NFIC: variants seen among roughly 807,000 people sequenced by gnomAD.
NFIC encodes the protein nuclear factor I C, also known as nuclear factor 1 C-type.
A neutral mutation model predicts 54.4 loss-of-function variants in NFIC; 12 were observed. That is an observed-to-expected ratio of 0.22 (90% CI 0.14 to 0.36). The LOEUF (loss-of-function observed/expected upper bound fraction) is 0.36. Among genes scored for constraint, NFIC ranks in the 10% least tolerant of loss-of-function variants. NFIC has a pLI of 1.00. For synonymous variants in NFIC, 322 were observed against 319.2 expected, an observed-to-expected ratio of 1.01 and a Z score of -0.09; for missense variants, 575 against 718.2, an observed-to-expected ratio of 0.80 and a Z score of 2.28.
At chr19:3,449,846 G>T (rs1292505801) in intron 7 of NFIC, among the ~76,000 whole-genome samples, 1 of 151,388 alleles carries the variant, frequency 6.6e-6, no homozygotes, top group East Asian at 1.9e-4. Context: ...CACAAGGTCA[G>T]GAGTTCAAGA....
intron 3 of NFIC, among the ~76,000 whole-genome samples, chr19:3,429,465 C>T (rs1346286352): frequency 6.6e-6 from 1 of 152,056 alleles, no homozygotes; most frequent in Non-Finnish European, 1.5e-5. Flanking sequence ...GTGATGCGTG[C>T]CTGTAGTCCC....
intron 2 of NFIC, among the ~76,000 whole-genome samples, chr19:3,421,558 G>A (rs967239613): frequency 2.6e-5 from 4 of 152,252 alleles, no homozygotes; most frequent in African/African-American, 9.6e-5. Flanking sequence ...CCTAGCTGGA[G>A]GAAGGGCTTC....
At chr19:3,367,423 C>T (rs2080913239) in intron 1 of NFIC, among the ~76,000 whole-genome samples, 1 of 151,966 alleles carries the variant, frequency 6.6e-6, no homozygotes, top group African/African-American at 2.4e-5. Flanking sequence ...GGGTCTGGCC[C>T]GGGCACTGCG....
At chr19:3,414,184 C>A (rs568000525) in intron 2 of NFIC, among the ~76,000 whole-genome samples, 1 of 152,222 alleles carries the variant, frequency 6.6e-6, no homozygotes, top group East Asian at 1.9e-4. Flanking sequence ...GCCACACAGC[C>A]GGAAGCCCGC....
rs938026519 is a variant in NFIC, at chr19:3,370,895, T to C, written c.30+4229T>C. Among the ~76,000 whole-genome samples the C allele has an allele frequency of 2.0e-5, 3 of 152,206 alleles. No individual in the cohort carries two copies. Among genetic ancestry groups the C allele is most frequent in the Non-Finnish European group, 4.4e-5 (3 of 68,036 alleles). ...ACCTCACCTGGGTGCCCATCTGCCC[T>C]GAGCACACAGCGTGCGGGCACCCAA... On this transcript the variant is annotated intron_variant, in intron 1 of 10. Transcript: ENST00000443272. The surrounding 1 kb of genome is among the most constrained non-coding windows in gnomAD (Gnocchi z 5.2).
rs1031724477 is a variant in NFIC at position 3,369,194 on chromosome 19, G to C, written c.30+2528G>C. ...TGCCTTCTTTGTGTGTCTGTCCGATGTGTCTCTGTCTGTTTCTCTGTCTCT... is the reference window on the plus strand; with the variant it reads ...TGCCTTCTTTGTGTGTCTGTCCGATCTGTCTCTGTCTGTTTCTCTGTCTCT... On this transcript the variant is annotated intron_variant, in intron 1 of 10. Coordinates refer to ENST00000443272, the MANE Select transcript of NFIC (RefSeq NM_001245002.2). The surrounding 1 kb of genome is among the most constrained non-coding windows in gnomAD (Gnocchi z 4.3). 6.6e-6 allele frequency among the ~76,000 whole-genome samples: 1 copy of C among 151,734 alleles called. No individual in the cohort carries two copies. Among genetic ancestry groups the C allele is most frequent in the East Asian group, 1.9e-4 (1 of 5,158 alleles).
At position 3,463,668 on chromosome 19, in the gene NFIC, G is replaced by A. The variant is rs2082675308; in HGVS notation, c.*899G>A. The A allele has an allele frequency of 4.9e-6, 4 of 816,384 alleles. No individual in the cohort carries two copies. Among genetic ancestry groups the A allele is most frequent in the Non-Finnish European group, 5.4e-6 (4 of 734,998 alleles). The allele number at this position is 816,384 out of a possible 1,614,324, so 50.6% of individuals were successfully genotyped here. ...CATAGGAGGCCCCCCCACCTCGCCCGGCTCACACCCCCAAAGGGAGGGACC... is the reference window on the plus strand; with the variant it reads ...CATAGGAGGCCCCCCCACCTCGCCCAGCTCACACCCCCAAAGGGAGGGACC... On this transcript the variant is annotated 3_prime_UTR_variant, in exon 11 of 11. Coordinates refer to ENST00000443272, the MANE Select transcript of NFIC (RefSeq NM_001245002.2).
intron 1 of NFIC, among the ~76,000 whole-genome samples, chr19:3,361,052 C>T (rs1013523085): frequency 1.3e-5 from 2 of 152,170 alleles, no homozygotes; most frequent in African/African-American, 4.8e-5. Flanking sequence ...TCCACCTTTT[C>T]AAAACTCTGT....
intron 6 of NFIC, among the ~76,000 whole-genome samples, chr19:3,440,352 C>T (rs1040387543): frequency 1.3e-5 from 2 of 152,022 alleles, no homozygotes; most frequent in Non-Finnish European, 2.9e-5. Flanking sequence ...CAGAATCTCC[C>T]CTATAATATA....
At chr19:3,461,539 A>G (rs956017675) in intron 10 of NFIC, among the ~76,000 whole-genome samples, 9 of 151,344 alleles carry the variant, frequency 5.9e-5, no homozygotes, top group Middle Eastern at 3.4e-3. Flanking sequence ...CCCGGCCAAC[A>G]TGGCGAAACC....
intron 6 of NFIC, among the ~76,000 whole-genome samples, chr19:3,437,826 G>A (rs2082229351): frequency 1.3e-5 from 2 of 151,566 alleles, no homozygotes; most frequent in South Asian, 4.2e-4. Flanking sequence ...CTACAGGCGG[G>A]CACCACCACA....
In NFIC at chr19:3,433,605, G is replaced by A. The variant is rs780076020; in HGVS notation, c.709+13G>A. The A allele has an allele frequency of 5.6e-6, 9 of 1,613,016 alleles. No homozygotes were observed. Among genetic ancestry groups the A allele is most frequent in the African/African-American group, 4.0e-5 (3 of 74,876 alleles). ...CAAGTGTCCCGGAGTGAGTGTTCCCGTCAGCCCTGAGCTGGGTCTTGGAGA... is the reference window on the plus strand; with the variant it reads ...CAAGTGTCCCGGAGTGAGTGTTCCCATCAGCCCTGAGCTGGGTCTTGGAGA... On this transcript the variant is annotated intron_variant, in intron 4 of 10. Coordinates refer to ENST00000443272, the MANE Select transcript of NFIC (RefSeq NM_001245002.2).
At position 3,463,884 on chromosome 19, in the gene NFIC, G is replaced by A. The variant is rs546250807; in HGVS notation, c.*1115G>A. 7.3e-5 allele frequency: 68 copies of A among 934,242 alleles called. No individual in the cohort carries two copies. Among genetic ancestry groups the A allele is most frequent in the Middle Eastern group, 1.1e-3 (2 of 1,836 alleles). The allele number at this position is 934,242 out of a possible 1,614,324, so 57.9% of individuals were successfully genotyped here. A position where few individuals can be genotyped will look rare whatever the true frequency, so the allele number is the denominator to read the frequency against. On this transcript the variant is annotated 3_prime_UTR_variant, in exon 11 of 11. Transcript: ENST00000443272. Reference sequence around the variant, plus strand: ...CCCCCCCTTTGTCCAGCTGGGACACGGAATGGCCGCGGGCCTCCTCCCCCT... The same window carrying A: ...CCCCCCCTTTGTCCAGCTGGGACACAGAATGGCCGCGGGCCTCCTCCCCCT...
chr19:3,381,661 C>A, intron 1 of NFIC, 51 bp from the exon 2 acceptor site: 4 of 1,585,834 alleles, frequency 2.5e-6, no homozygotes, highest in South Asian at 1.1e-5. Flanking sequence ...GGCAGTGGGT[C>A]CGCCCTCTGC....
chr19:3,460,934 G>C (rs1291616384), intron 10 of NFIC, among the ~76,000 whole-genome samples: 1 of 150,562 alleles, frequency 6.6e-6, no homozygotes, highest in African/African-American at 2.4e-5. Flanking sequence ...AGACCAGCCT[G>C]GCCAACATGG....
chr19:3,450,421 C>T (rs1211377237), intron 7 of NFIC, among the ~76,000 whole-genome samples: 2 of 150,826 alleles, frequency 1.3e-5, no homozygotes, highest in African/African-American at 4.9e-5. Flanking sequence ...TTTGGGAGGC[C>T]GAGGCAGGCG....
chr19:3,427,848 G>GGAAA (rs914866953), intron 3 of NFIC, among the ~76,000 whole-genome samples: 1 of 147,132 alleles, frequency 6.8e-6, no homozygotes, highest in African/African-American at 2.5e-5. Context: ...GAAGAAAGAA[G>GGAAA]GAAAGAAAGA....
At chr19:3,393,540 C>A (rs559505007) in intron 2 of NFIC, among the ~76,000 whole-genome samples, 1 of 151,722 alleles carries the variant, frequency 6.6e-6, no homozygotes, top group South Asian at 2.1e-4. Context: ...GTTGGCTGGG[C>A]GTGGTGGCTC....
intron 6 of NFIC, among the ~76,000 whole-genome samples, chr19:3,436,309 ATTTT>A (rs71166903): frequency 0.036 from 3,042 of 85,168 alleles, 164 homozygotes; most frequent in African/African-American, 0.12. Context: ...TGCGCCGTTA[ATTTT>A]TTTTTTTTTT....
Sources: gnomAD v4.1 joint callset for allele counts (sites outside exome capture counted in the v4.1 genomes callset) on GRCh38, gnomAD v4.1.1 for gene constraint, Gnocchi (gnomAD v3.1) non-coding constraint, MANE v1.5 for transcripts, NCBI Gene and HGNC (gene_info 2026-07-23, HGNC 2026-07-21) for gene names.